The following DDHD1 variants were observed in gnomAD, a reference collection of about 807,000 sequenced individuals.
DDHD1 encodes DDHD domain containing 1.
A neutral mutation model predicts 96.4 loss-of-function variants in DDHD1; 49 were observed. The ratio of observed to expected loss-of-function variants is 0.51; its 90% CI spans 0.40 to 0.64. DDHD1 has a LOEUF of 0.64. DDHD1 is among the 30% of genes least tolerant of loss of function. The probability of loss-of-function intolerance (pLI) is 0.00; values close to 1 mark genes in which losing one functional copy is unlikely to be tolerated. For synonymous variants in DDHD1, 442 were observed against 446.5 expected, an observed-to-expected ratio of 0.99 and a Z score of 0.13; for missense variants, 1,106 against 1,161.2, an observed-to-expected ratio of 0.95 and a Z score of 0.69.
At chr14:53,058,267 A>G (rs184202206) in intron 9 of DDHD1, among the ~76,000 whole-genome samples, 8 of 152,150 alleles carry the variant, frequency 5.3e-5, no homozygotes, top group Admixed American at 5.2e-4. Flanking sequence ...GGCACCCACT[A>G]CCACGCCCAG....
Position 53,093,601 on chromosome 14 carries a change from T to C in DDHD1, c.1013-157A>G, listed in dbSNP as rs1886625141. On this transcript the variant is annotated intron_variant, in intron 2 of 12. Coordinates refer to ENST00000673822, the MANE Select transcript of DDHD1 (RefSeq NM_001160148.2). ...ACACTATTTCACATAAAAAAAGTTATGTGAAGCAAGTAATGGATAGGGACT... is the reference window on the plus strand; with the variant it reads ...ACACTATTTCACATAAAAAAAGTTACGTGAAGCAAGTAATGGATAGGGACT... 5.2e-6 allele frequency: 5 copies of C among 954,358 alleles called. No individual in the cohort carries two copies. In the Middle Eastern group the frequency reaches 1.0e-3, roughly 195 times the overall value. 59.1% of individuals were successfully genotyped at this position (954,358 alleles called of 1,614,324 possible).
intron 1 of DDHD1, among the ~76,000 whole-genome samples, chr14:53,104,394 C>T (rs1887534910): frequency 6.6e-6 from 1 of 152,100 alleles, no homozygotes; most frequent in Non-Finnish European, 1.5e-5. Flanking sequence ...CTCTGAATAA[C>T]CAAAATTAGT....
intron 1 of DDHD1, among the ~76,000 whole-genome samples, chr14:53,112,125 A>G (rs1479610438): frequency 6.6e-6 from 1 of 152,142 alleles, no homozygotes; most frequent in Non-Finnish European, 1.5e-5. Flanking sequence ...GAATATAACA[A>G]GTTACACAGG....
At chr14:53,127,365 C>T (rs1889533035) in intron 1 of DDHD1, among the ~76,000 whole-genome samples, 1 of 152,198 alleles carries the variant, frequency 6.6e-6, no homozygotes, top group African/African-American at 2.4e-5. Flanking sequence ...CAGTTCACCC[C>T]TTAACCTCTC....
chr14:53,113,464 G>A (rs1185493472), intron 1 of DDHD1, among the ~76,000 whole-genome samples: 2 of 150,764 alleles, frequency 1.3e-5, no homozygotes, highest in Non-Finnish European at 2.9e-5. Flanking sequence ...AGGCCAAGAT[G>A]GCCGAATAGG....
Position 53,037,557 on chromosome 14 carries a change from T to C in DDHD1, c.*9211A>G, listed in dbSNP as rs1460135055. On this transcript the variant is annotated 3_prime_UTR_variant, in exon 13 of 13. Transcript: ENST00000673822. ...CTTGTATGTCTTCTTTTGAGAAGTG[T>C]CTGTTCATGTCCTTCACCCATTTTT... 6.6e-6 allele frequency: 1 copy of C among 152,218 alleles called. No individual in the cohort carries two copies. The highest frequency in any genetic ancestry group is 1.5e-5 in the Non-Finnish European group (1 of 68,036). 9.4% of individuals were successfully genotyped at this position (152,218 alleles called of 1,614,324 possible).
In DDHD1 at chr14:53,091,867, A is replaced by T; in HGVS notation, c.1207T>A (p.Ser403Thr). The part of the protein sequence containing the change: ...VEEATLEDKP[S>T]QTTHIVFVVH... ...ACAAATACAATATGGGTAGTCTGTG[A>T]TGGCTTGTCTTCTAATGTGGCTTCT... The change falls in exon 4 of 13, where the codon TCA (serine) becomes ACA (threonine). Residue 403 changes from serine (S) to threonine (T), a missense_variant. Physicochemically the swap from Ser to Thr is moderately conservative, Grantham distance 58. Around this residue, in one of 2 missense-constraint regions of DDHD1, gnomAD observed 650 missense variants for 758.8 expected, o/e 0.86. Coordinates refer to ENST00000673822, the MANE Select transcript of DDHD1 (RefSeq NM_001160148.2). 1.9e-6 allele frequency: 3 copies of T among 1,613,736 alleles called. No homozygotes were observed. Among genetic ancestry groups the T allele is most frequent in the Non-Finnish European group, 2.5e-6 (3 of 1,179,776 alleles).
Position 53,039,790 on chromosome 14 carries a change from C to T in DDHD1, c.*6978G>A, listed in dbSNP as rs1190820103. 1 of 152,308 alleles carries T rather than the reference C, an allele frequency of 6.6e-6. No individual in the cohort carries two copies. The highest frequency in any genetic ancestry group is 1.5e-5 in the Non-Finnish European group (1 of 68,114). The allele number at this position is 152,308 out of a possible 1,614,324, so 9.4% of individuals were successfully genotyped here. A position where few individuals can be genotyped will look rare whatever the true frequency, so the allele number is the denominator to read the frequency against. On this transcript the variant is annotated 3_prime_UTR_variant, in exon 13 of 13. Transcript: ENST00000673822. ...AGTGACAGATGGCATCATCAAAGGG[C>T]TTTGGTTGTCATCAGACCTATGTGT...
chr14:53,097,349 T>C (rs963815146), intron 2 of DDHD1, among the ~76,000 whole-genome samples: 3 of 152,028 alleles, frequency 2.0e-5, no homozygotes, highest in Non-Finnish European at 4.4e-5. Context: ...TATATCTATA[T>C]GTAATTAGAT....
At chr14:53,058,784 T>C (rs771528250) in intron 8 of DDHD1, among the ~76,000 whole-genome samples, 158 bp from the exon 9 acceptor site, 4 of 152,230 alleles carry the variant, frequency 2.6e-5, no homozygotes, top group Non-Finnish European at 4.4e-5. Context: ...CTGCCAACCA[T>C]TAACCATTCT....
Position 53,130,098 on chromosome 14 carries a change from G to A in DDHD1, c.838+22163C>T, listed in dbSNP as rs368356802. On this transcript the variant is annotated intron_variant, in intron 1 of 12. Coordinates refer to ENST00000673822, the MANE Select transcript of DDHD1 (RefSeq NM_001160148.2). ...CATCTGACCTCTCCCCTCCTCCCCA[G>A]GCTGCTCCTCGCCAGGCTGAGCCAG... Among the ~76,000 whole-genome samples, 67 of 152,018 alleles carry A rather than the reference G, an allele frequency of 4.4e-4. No homozygotes were observed. The East Asian group carries it at 8.9e-3, about 20-fold the overall frequency.
chr14:53,083,743 G>A (rs1157344872), intron 4 of DDHD1, among the ~76,000 whole-genome samples: 7 of 152,058 alleles, frequency 4.6e-5, no homozygotes, highest in Admixed American at 3.3e-4. Flanking sequence ...CAGCAAGCAG[G>A]GAAATGGTAA....
At position 53,045,120 on chromosome 14, in the gene DDHD1, T is replaced by G. The variant is rs1052729776; in HGVS notation, c.*1648A>C. 6.6e-6 allele frequency: 1 copy of G among 152,210 alleles called. No individual in the cohort carries two copies. The highest frequency in any genetic ancestry group is 2.4e-5 in the African/African-American group (1 of 41,446). 9.4% of individuals were successfully genotyped at this position (152,210 alleles called of 1,614,324 possible). ...ATGGTCATTTCTCTGAATTATGAAT[T>G]GCAACTTCTGTTATTATTGTTTGCA... On this transcript the variant is annotated 3_prime_UTR_variant, in exon 13 of 13. Transcript: ENST00000673822.
At chr14:53,057,179 TAGTC>T (rs1383279572) in intron 9 of DDHD1, among the ~76,000 whole-genome samples, 2 of 152,192 alleles carry the variant, frequency 1.3e-5, no homozygotes, top group African/African-American at 2.4e-5. Flanking sequence ...TTCGAATGGT[TAGTC>T]AATGTTATAT....
intron 2 of DDHD1, among the ~76,000 whole-genome samples, chr14:53,097,959 A>G (rs1241848236): frequency 2.0e-5 from 3 of 151,920 alleles, no homozygotes; most frequent in Non-Finnish European, 2.9e-5. Flanking sequence ...TGTAATTCTT[A>G]TTTTCACTTG....
intron 1 of DDHD1, among the ~76,000 whole-genome samples, chr14:53,131,376 G>A (rs143707200): frequency 1.1e-4 from 17 of 152,076 alleles, no homozygotes; most frequent in Admixed American, 2.0e-4. Flanking sequence ...CCGGCTCAAC[G>A]CCAGTATGCC....
At chr14:53,061,668 T>G (rs1391093522) in intron 7 of DDHD1, among the ~76,000 whole-genome samples, 1 of 152,178 alleles carries the variant, frequency 6.6e-6, no homozygotes, top group East Asian at 1.9e-4. Context: ...TCATTTTCAA[T>G]TACAATGTTT....
intron 1 of DDHD1, among the ~76,000 whole-genome samples, chr14:53,104,531 C>T (rs1887544701): frequency 6.6e-6 from 1 of 151,976 alleles, no homozygotes; most frequent in South Asian, 2.1e-4. Flanking sequence ...GTGTGTGGCA[C>T]TTTTTAGAGC....
At chr14:53,124,003 G>A (rs547592262) in intron 1 of DDHD1, among the ~76,000 whole-genome samples, 4 of 151,590 alleles carry the variant, frequency 2.6e-5, no homozygotes, top group East Asian at 2.0e-4. Context: ...AGGCCAAGGC[G>A]GGCGGATCAC....
Sources: allele counts gnomAD v4.1 joint callset (sites outside exome capture counted in the v4.1 genomes callset), GRCh38; gene constraint gnomAD v4.1.1; regional missense constraint gnomAD v4.1.1; transcripts MANE v1.5; gene names NCBI Gene and HGNC (gene_info 2026-07-23, HGNC 2026-07-21).